HMCN1: variants seen among roughly 807,000 people sequenced by gnomAD.
The protein encoded by HMCN1 is hemicentin 1.
In HMCN1, 321 loss-of-function variants were observed where a neutral mutation model predicts 625.9. That is an observed-to-expected ratio of 0.51 (90% CI 0.47 to 0.56). The LOEUF (loss-of-function observed/expected upper bound fraction) is 0.56, where lower values mean the gene tolerates loss of function less well. Among genes scored for constraint, HMCN1 ranks in the 20% least tolerant of loss-of-function variants. HMCN1 has a pLI of 0.00. For synonymous variants in HMCN1, 2,425 were observed against 2,417.6 expected (o/e 1.00, Z -0.09); for missense variants, 6,588 against 6,887.3 (o/e 0.96, Z 1.54).
intron 2 of HMCN1, among the ~76,000 whole-genome samples, chr1:185,852,780 T>G (rs1371069730): frequency 1.3e-5 from 2 of 151,986 alleles, no homozygotes; most frequent in African/African-American, 4.8e-5. Context: ...ACTCCAAAGT[T>G]CTTTTAAGGG....
intron 82 of HMCN1, among the ~76,000 whole-genome samples, chr1:186,127,008 A>C (rs1427488624): frequency 6.6e-6 from 1 of 152,048 alleles, no homozygotes. Flanking sequence ...AGAGACAAGA[A>C]GTAAGACTCT....
chr1:185,885,437 T>G (rs1333459132), intron 4 of HMCN1, among the ~76,000 whole-genome samples: 1 of 152,008 alleles, frequency 6.6e-6, no homozygotes, highest in Non-Finnish European at 1.5e-5. Context: ...AATTATTTTA[T>G]GAAATTATCA....
intron 1 of HMCN1, among the ~76,000 whole-genome samples, chr1:185,798,288 G>C (rs1424202466): frequency 2.6e-5 from 4 of 152,138 alleles, no homozygotes; most frequent in Non-Finnish European, 4.4e-5. Context: ...GTCTGATAGA[G>C]TTTCCTTTAT....
intron 11 of HMCN1, among the ~76,000 whole-genome samples, chr1:185,940,996 AG>A (rs1388893536): frequency 3.3e-5 from 5 of 152,116 alleles, no homozygotes; most frequent in Admixed American, 3.3e-4. Flanking sequence ...TCCCGACCTC[AG>A]GGGATCTGCC....
rs1650023094 is a variant in HMCN1, at chr1:186,142,323, T to C, written c.13925-1850T>C. On this transcript the variant is annotated intron_variant, in intron 89 of 106. Coordinates refer to ENST00000271588, the MANE Select transcript of HMCN1 (RefSeq NM_031935.3). ...TGGCCTCTAGTTCCATCCCTGTTCC[T>C]GCAAAGGATGGGACCTCATTCTTTT... Among the ~76,000 whole-genome samples, 3 of 152,230 alleles carry C rather than the reference T, an allele frequency of 2.0e-5. No individual in the cohort carries two copies. In the South Asian group the frequency reaches 6.2e-4, roughly 31 times the overall value.
At chr1:185,848,182 T>C (rs931187074) in intron 2 of HMCN1, among the ~76,000 whole-genome samples, 1 of 152,156 alleles carries the variant, frequency 6.6e-6, no homozygotes, top group Non-Finnish European at 1.5e-5. Context: ...CTTACTCCCA[T>C]TTCTGCCATT....
rs12565862 is a variant in HMCN1 at position 186,139,339 on chromosome 1, G to A, written c.13924+1367G>A. Reference sequence around the variant, plus strand: ...ACTGTCCTGACGTCTTAAAATAAACGAGAAGCCATTTATTTTAGTCTTAAA... The same window carrying A: ...ACTGTCCTGACGTCTTAAAATAAACAAGAAGCCATTTATTTTAGTCTTAAA... On this transcript the variant is annotated intron_variant, in intron 89 of 106. Transcript: ENST00000271588. 2.0e-4 allele frequency among the ~76,000 whole-genome samples: 31 copies of A among 152,254 alleles called. No individual in the cohort carries two copies. The East Asian group carries it at 5.8e-3, about 28-fold the overall frequency.
In HMCN1 at chr1:185,864,215, A is replaced by G. The variant is rs538025742; in HGVS notation, c.340-255A>G. Among the ~76,000 whole-genome samples, 3 of 152,314 alleles carry G rather than the reference A, an allele frequency of 2.0e-5. No homozygotes were observed. In the East Asian group the frequency reaches 5.8e-4, roughly 29 times the overall value. On this transcript the variant is annotated intron_variant, in intron 2 of 106. Transcript: ENST00000271588. ...TCGTGTAAGAGAAGGCAGAGTGAAT[A>G]GACATTTAATTTTATAAATATATAG...
At chr1:186,089,181 A>T (rs1479372528) in intron 63 of HMCN1, among the ~76,000 whole-genome samples, 1 of 151,986 alleles carries the variant, frequency 6.6e-6, no homozygotes, top group Non-Finnish European at 1.5e-5. Context: ...ATGAATGATG[A>T]ATCTTATACT....
intron 64 of HMCN1, among the ~76,000 whole-genome samples, chr1:186,091,179 T>C (rs879550392): frequency 6.6e-6 from 1 of 152,040 alleles, no homozygotes; most frequent in Admixed American, 6.6e-5. Flanking sequence ...CTTTAACTCA[T>C]TAACTGTAAT....
At chr1:185,838,381 G>A (rs530549900) in intron 1 of HMCN1, among the ~76,000 whole-genome samples, 33 of 152,180 alleles carry the variant, frequency 2.2e-4, no homozygotes, top group Non-Finnish European at 4.3e-4. Flanking sequence ...GTGTTGTGGT[G>A]CTGCCAGCCT....
At position 186,088,667 on chromosome 1, in the gene HMCN1, G is replaced by T. The variant is rs201868658; in HGVS notation, c.9639G>T (p.Arg3213=). 6.2e-6 allele frequency: 10 copies of T among 1,611,992 alleles called. No individual in the cohort carries two copies. Among genetic ancestry groups the T allele is most frequent in the Non-Finnish European group, 8.5e-6 (10 of 1,178,788 alleles). Reference sequence around the variant, plus strand: ...GAGGTAGCAAACTCCAGATTGCCCGGTCTCAGCATTCAGATAGTGGAAACT... The same window carrying T: ...GAGGTAGCAAACTCCAGATTGCCCGTTCTCAGCATTCAGATAGTGGAAACT... ...LSGGSKLQIA[R]SQHSDSGNYT... is the part of the protein sequence containing the mutation. The change falls in exon 63 of 107, where the codon CGG becomes CGT. Residue 3213 remains arginine (R), a synonymous_variant. Transcript: ENST00000271588.
chr1:186,145,908 G>A lies in HMCN1; in HGVS notation c.14593G>A (p.Val4865Ile). The A allele has an allele frequency of 3.1e-6, 5 of 1,613,958 alleles. No individual in the cohort carries two copies. The highest frequency in any genetic ancestry group is 4.2e-6 in the Non-Finnish European group (5 of 1,179,984). The change falls in exon 93 of 107, where the codon GTA becomes ATA. Residue 4865 changes from valine (V) to isoleucine (I), a missense_variant. Physicochemically the swap from Val to Ile is conservative, Grantham distance 29 (BLOSUM62 3). Coordinates refer to ENST00000271588, the MANE Select transcript of HMCN1 (RefSeq NM_031935.3). ...CACTACTCAGGTGACCAGGTGCAAT[G>A]TACAAGCATGTCCAGGTAAGCAACT... Reference protein sequence around the residue: ...GDTTQVTRCNVQACPGGPQRA... With the variant: ...GDTTQVTRCNIQACPGGPQRA...
chr1:185,977,797 T>G lies in HMCN1; in HGVS notation c.2382T>G (p.Val794=). 6.2e-7 allele frequency: 1 copy of G among 1,611,750 alleles called. No homozygotes were observed. Among genetic ancestry groups the G allele is most frequent in the Non-Finnish European group, 8.5e-7 (1 of 1,178,134 alleles). ...KITLDVGSPP[V]FIQEPADVSM... ...TGTAATGTCTTCCAGCACCTCCAGT[T>G]TTCATACAAGAACCTGCTGATGTGT... is the stretch of plus-strand genomic sequence containing the variant. Residue 794 remains valine (V), a synonymous_variant, in exon 16 of 107, where the codon GTT becomes GTG. Coordinates refer to ENST00000271588, the MANE Select transcript of HMCN1 (RefSeq NM_031935.3).
At chr1:185,741,731 A>G (rs1267672502) in intron 1 of HMCN1, among the ~76,000 whole-genome samples, 1 of 152,240 alleles carries the variant, frequency 6.6e-6, no homozygotes, top group East Asian at 1.9e-4. Flanking sequence ...AGGATCAAGA[A>G]TTGGCTAATC....
rs779854973 is a variant in HMCN1, at chr1:186,148,428, C to A, written c.14608+2505C>A. ...TTAATGGCATCTAGAATGATGAATT[C>A]TTCCCAGAAGGTTTTCAATTTACTT... On this transcript the variant is annotated intron_variant, in intron 93 of 106. Transcript: ENST00000271588. Among the ~76,000 whole-genome samples, 4 of 152,178 alleles carry A rather than the reference C, an allele frequency of 2.6e-5. No homozygotes were observed. In the South Asian group the frequency reaches 8.3e-4, roughly 32 times the overall value.
intron 53 of HMCN1, 103 bp from the exon 54 acceptor site, chr1:186,076,325 T>C (rs1658811181): frequency 8.8e-7 from 1 of 1,132,950 alleles, no homozygotes; most frequent in Non-Finnish European, 1.3e-6. Flanking sequence ...TATTTCCACA[T>C]TGTCTAATCT....
At chr1:186,156,801 T>C (rs975316750) in intron 97 of HMCN1, among the ~76,000 whole-genome samples, 2 of 152,192 alleles carry the variant, frequency 1.3e-5, no homozygotes, top group African/African-American at 4.8e-5. Flanking sequence ...ATCACTGAAA[T>C]AGGAAATATT....
At chr1:185,816,753 G>T (rs1430000365) in intron 1 of HMCN1, among the ~76,000 whole-genome samples, 15 of 152,158 alleles carry the variant, frequency 9.9e-5, no homozygotes, top group Admixed American at 9.8e-4. Flanking sequence ...CAGGAGAAGT[G>T]CCTGGAATTG....
Sources: allele counts gnomAD v4.1 joint callset (sites outside exome capture counted in the v4.1 genomes callset), GRCh38; gene constraint gnomAD v4.1.1; transcripts MANE v1.5; gene names NCBI Gene and HGNC (gene_info 2026-07-23, HGNC 2026-07-21).